MEI4: variants seen among roughly 807,000 people sequenced by gnomAD.
MEI4 encodes meiotic double-stranded break formation protein 4.
In MEI4, 27 loss-of-function variants were observed where a neutral mutation model predicts 31.4. The observed-to-expected ratio is 0.86, with a 90% confidence interval of 0.63 to 1.19. The LOEUF is 1.19. Among genes scored for constraint, MEI4 ranks in the 50% most tolerant of loss-of-function variants. The pLI is 0.00. For synonymous variants in MEI4, 122 were observed against 145.4 expected (o/e 0.84, Z 1.16); for missense variants, 329 against 398.9 (o/e 0.82, Z 1.49).
chr6:77,796,205 G>T (rs1769070072), intron 3 of MEI4, among the ~76,000 whole-genome samples: 1 of 152,024 alleles, frequency 6.6e-6, no homozygotes, highest in Non-Finnish European at 1.5e-5. Flanking sequence ...AACAAATTAG[G>T]TATAGAAGGA....
At chr6:77,652,892 CAA>C (rs1283930376), upstream of MEI4, among the ~76,000 whole-genome samples, 3 of 152,116 alleles carry the variant, frequency 2.0e-5, no homozygotes, top group East Asian at 5.8e-4. Context: ...CTGATAGAAA[CAA>C]AGAGTATAGA....
At chr6:77,700,069 C>T (rs1293770888) in intron 2 of MEI4, among the ~76,000 whole-genome samples, 2 of 152,228 alleles carry the variant, frequency 1.3e-5, no homozygotes, top group Non-Finnish European at 2.9e-5. Flanking sequence ...AGGCAGTCTG[C>T]CCGTTCTCAG....
intron 4 of MEI4, among the ~76,000 whole-genome samples, chr6:77,884,395 T>C (rs1434050455): frequency 6.6e-6 from 1 of 152,194 alleles, no homozygotes; most frequent in Non-Finnish European, 1.5e-5. Flanking sequence ...TTTTGTTGCT[T>C]GTGATTTTGA....
At chr6:77,708,906 A>G (rs1288659791) in intron 2 of MEI4, among the ~76,000 whole-genome samples, 3 of 152,320 alleles carry the variant, frequency 2.0e-5, no homozygotes, top group African/African-American at 7.2e-5. Flanking sequence ...AACATGAGCC[A>G]AATAAACTTA....
chr6:77,854,726 G>A (rs971036179), intron 4 of MEI4, among the ~76,000 whole-genome samples: 3 of 151,998 alleles, frequency 2.0e-5, no homozygotes, highest in Non-Finnish European at 4.4e-5. Flanking sequence ...TAGTGGGGTG[G>A]TCATATTAGT....
chr6:77,816,235 A>G (rs1222883342), intron 3 of MEI4, among the ~76,000 whole-genome samples: 4 of 152,140 alleles, frequency 2.6e-5, no homozygotes, highest in African/African-American at 9.7e-5. Context: ...TTTTAATTTT[A>G]GCATAGTTGA....
chr6:77,723,175 C>T (rs1325360205), intron 2 of MEI4, among the ~76,000 whole-genome samples: 1 of 144,044 alleles, frequency 6.9e-6, no homozygotes, highest in Non-Finnish European at 1.5e-5. Context: ...TCCTACAGTC[C>T]CCTCAGGCAG....
intron 3 of MEI4, among the ~76,000 whole-genome samples, chr6:77,779,282 AGCTTTGCTGCATGCTACTCAGAG>A (rs1264224618): frequency 5.9e-5 from 9 of 152,216 alleles, no homozygotes; most frequent in African/African-American, 2.2e-4. Flanking sequence ...GAGTATAGTC[AGCTTTGCTGCATGCTACTCAGAG>A]GCTTAATAAG....
At chr6:77,662,241 A>G (rs1431309767) in intron 1 of MEI4, among the ~76,000 whole-genome samples, 1 of 152,168 alleles carries the variant, frequency 6.6e-6, no homozygotes, top group African/African-American at 2.4e-5. Context: ...GATGTGGAAG[A>G]TACTACAGCA....
rs530462521 is a variant in MEI4, at chr6:77,744,439, A to T, written c.233-16691A>T. 1.4e-3 allele frequency among the ~76,000 whole-genome samples: 212 copies of T among 152,288 alleles called. 1 individual carries two copies. The highest frequency in any genetic ancestry group is 4.5e-3 in the African/African-American group (186 of 41,550). ...AGAGAAAAAAGAATAAAAAGAAACA[A>T]ACAAAGCCTCCGAGAAATATGGGAC... On this transcript the variant is annotated intron_variant, in intron 2 of 4. Coordinates refer to ENST00000684080, the MANE Select transcript of MEI4 (RefSeq NM_001322247.2).
At chr6:77,876,903 T>C (rs1336513137) in intron 4 of MEI4, among the ~76,000 whole-genome samples, 1 of 151,798 alleles carries the variant, frequency 6.6e-6, no homozygotes, top group Non-Finnish European at 1.5e-5. Flanking sequence ...GTGGAAGATA[T>C]GAAGGAAAAG....
chr6:77,872,316 G>A (rs1771214134), intron 4 of MEI4, among the ~76,000 whole-genome samples: 1 of 152,118 alleles, frequency 6.6e-6, no homozygotes, highest in African/African-American at 2.4e-5. Context: ...ACAGTGGCAT[G>A]CACCTGCAGT....
rs139158501 is a variant in MEI4, at chr6:77,847,614, T to G, written c.900+18552T>G. On this transcript the variant is annotated intron_variant, in intron 4 of 4. Coordinates refer to ENST00000684080, the MANE Select transcript of MEI4 (RefSeq NM_001322247.2). The surrounding 1 kb of genome is among the most constrained non-coding windows in gnomAD (Gnocchi z 4.6). ...TGCAATCGAAACCTAATGCCTTCTA[T>G]GAAGACTTCTCTAATCAGCATGGAA... 1.4e-3 allele frequency among the ~76,000 whole-genome samples: 213 copies of G among 152,326 alleles called. 1 individual carries two copies. The highest frequency in any genetic ancestry group is 4.5e-3 in the African/African-American group (187 of 41,570).
At chr6:77,816,304 C>G (rs1025113179) in intron 3 of MEI4, among the ~76,000 whole-genome samples, 1 of 151,978 alleles carries the variant, frequency 6.6e-6, no homozygotes, top group Non-Finnish European at 1.5e-5. Context: ...AAACTACTTA[C>G]CTGTCAAAGT....
chr6:77,764,173 T>C (rs1340231996), intron 3 of MEI4, among the ~76,000 whole-genome samples: 2 of 152,184 alleles, frequency 1.3e-5, no homozygotes, highest in African/African-American at 4.8e-5. Context: ...TTTCAGGCTT[T>C]CTGTTTCTTT....
chr6:77,819,805 A>G (rs1034147675), intron 3 of MEI4, among the ~76,000 whole-genome samples: 1 of 152,134 alleles, frequency 6.6e-6, no homozygotes, highest in African/African-American at 2.4e-5. Flanking sequence ...TTTGGAACCT[A>G]AAGAATTCCT....
intron 1 of MEI4, among the ~76,000 whole-genome samples, chr6:77,687,258 A>G (rs963425542): frequency 6.6e-6 from 1 of 152,166 alleles, no homozygotes; most frequent in Non-Finnish European, 1.5e-5. Flanking sequence ...TTAAGAATTA[A>G]GAGACACTAC....
intron 4 of MEI4, among the ~76,000 whole-genome samples, chr6:77,874,116 AAGT>A (rs1341498976): frequency 5.3e-5 from 8 of 151,864 alleles, no homozygotes; most frequent in Non-Finnish European, 8.8e-5. Flanking sequence ...ATGAACTTTA[AAGT>A]AGTTTTTTCC....
intron 2 of MEI4, among the ~76,000 whole-genome samples, chr6:77,692,002 G>C (rs546840258): frequency 6.6e-6 from 1 of 151,936 alleles, no homozygotes; most frequent in Admixed American, 6.6e-5. Context: ...TTAGATTCAG[G>C]CTTCTGATAG....
Sources: allele counts gnomAD v4.1 joint callset (sites outside exome capture counted in the v4.1 genomes callset), GRCh38; gene constraint gnomAD v4.1.1; non-coding constraint Gnocchi (gnomAD v3.1); transcripts MANE v1.5; gene names NCBI Gene and HGNC (gene_info 2026-07-23, HGNC 2026-07-21).